The following UBE2V2 variants were observed in gnomAD, a reference collection of about 807,000 sequenced individuals.
UBE2V2 encodes the protein ubiquitin-conjugating enzyme E2 variant 2.
Under a neutral mutation model 17.2 loss-of-function variants are expected in UBE2V2, and 9 were observed. The ratio of observed to expected loss-of-function variants is 0.52; its 90% CI spans 0.32 to 0.91. The LOEUF is 0.91. Among genes scored for constraint, UBE2V2 ranks in the 40% least tolerant of loss-of-function variants. The pLI is 0.04. For synonymous variants in UBE2V2, 61 were observed against 57.5 expected, an observed-to-expected ratio of 1.06 and a Z score of -0.28; for missense variants, 133 against 182.6, an observed-to-expected ratio of 0.73 and a Z score of 1.56.
intron 1 of UBE2V2, among the ~76,000 whole-genome samples, chr8:48,013,651 G>A (rs2091248305): frequency 6.6e-6 from 1 of 152,126 alleles, no homozygotes; most frequent in African/African-American, 2.4e-5. Context: ...AATATTAATG[G>A]TACAGTGAAG....
chr8:48,039,251 T>C (rs760462876), intron 1 of UBE2V2, among the ~76,000 whole-genome samples: 1 of 152,220 alleles, frequency 6.6e-6, no homozygotes, highest in South Asian at 2.1e-4. Context: ...TACTTTTTGC[T>C]ACATATGTAT....
intron 1 of UBE2V2, among the ~76,000 whole-genome samples, chr8:48,009,135 G>GT (rs1260274772): frequency 1.3e-5 from 2 of 152,128 alleles, no homozygotes; most frequent in South Asian, 4.1e-4. Context: ...ACAATGTTTG[G>GT]TTTCCTGTGA....
chr8:48,048,034 A>G (rs1246772290), intron 2 of UBE2V2, among the ~76,000 whole-genome samples: 1 of 145,672 alleles, frequency 6.9e-6, no homozygotes, highest in African/African-American at 2.6e-5. Flanking sequence ...GAATTGAGGT[A>G]GAATTTACAT....
intron 3 of UBE2V2, among the ~76,000 whole-genome samples, chr8:48,054,024 T>TC (rs1238561722): frequency 6.6e-6 from 1 of 150,508 alleles, no homozygotes. Flanking sequence ...AGGCTGGTGT[T>TC]CAACTCCTGA....
intron 1 of UBE2V2, among the ~76,000 whole-genome samples, chr8:48,040,494 A>G (rs2091454228): frequency 6.6e-6 from 1 of 152,090 alleles, no homozygotes; most frequent in African/African-American, 2.4e-5. Flanking sequence ...GCACATTTTC[A>G]TATATGATAT....
At chr8:48,005,270 T>C (rs1036997151), upstream of UBE2V2, among the ~76,000 whole-genome samples, 3 of 152,074 alleles carry the variant, frequency 2.0e-5, no homozygotes, top group Non-Finnish European at 2.9e-5. Context: ...CATGAGGTGT[T>C]TGGTTTTCTG....
In UBE2V2 at chr8:48,019,389, G is replaced by A. The variant is rs950026990; in HGVS notation, c.16+10919G>A. 1.2e-4 allele frequency among the ~76,000 whole-genome samples: 18 copies of A among 152,042 alleles called. No individual in the cohort carries two copies. The East Asian group carries it at 2.7e-3, about 23-fold the overall frequency. ...AAAACAAAACAAACAAAAATTGGGC[G>A]TGGTGGTGGGCTCCTGTAGTACCAG... On this transcript the variant is annotated intron_variant, in intron 1 of 3. Coordinates refer to ENST00000523111, the MANE Select transcript of UBE2V2 (RefSeq NM_003350.3).
chr8:47,998,858 G>C, the UBE2V2 span, among the ~76,000 whole-genome samples: 8 of 152,146 alleles, frequency 5.3e-5, no homozygotes, highest in African/African-American at 1.9e-4. Flanking sequence ...TAACAGTCAA[G>C]GGAAGCAGCA....
chr8:48,011,054 A>G (rs749331703), intron 1 of UBE2V2, among the ~76,000 whole-genome samples: 2 of 151,814 alleles, frequency 1.3e-5, no homozygotes, highest in African/African-American at 4.8e-5. Context: ...TAATTTTACT[A>G]TTAGCTATAC....
In UBE2V2 at chr8:48,062,144, A is replaced by G. The variant is rs1802603659; in HGVS notation, c.*1316A>G. ...TACTGGATCCAAAGCTTTGTTGAAA[A>G]TGCTGTTTGATGAATTCACTGAAGA... On this transcript the variant is annotated 3_prime_UTR_variant, in exon 4 of 4. Coordinates refer to ENST00000523111, the MANE Select transcript of UBE2V2 (RefSeq NM_003350.3). 6.6e-6 allele frequency: 1 copy of G among 152,216 alleles called. No homozygotes were observed. The highest frequency in any genetic ancestry group is 1.5e-5 in the Non-Finnish European group (1 of 68,044). The allele number at this position is 152,216 out of a possible 1,614,324, so 9.4% of individuals were successfully genotyped here.
chr8:48,060,081 C>G (rs1206368003), intron 3 of UBE2V2, among the ~76,000 whole-genome samples: 4 of 151,618 alleles, frequency 2.6e-5, no homozygotes, highest in African/African-American at 9.7e-5. Flanking sequence ...TGGCAGGTGC[C>G]TGTAATCCCA....
intron 1 of UBE2V2, among the ~76,000 whole-genome samples, chr8:48,037,294 T>G (rs1563855241): frequency 6.6e-6 from 1 of 152,250 alleles, no homozygotes; most frequent in Non-Finnish European, 1.5e-5. Context: ...AGAAATAATG[T>G]GTTTCAGCAG....
intron 1 of UBE2V2, among the ~76,000 whole-genome samples, chr8:48,041,227 A>G (rs1266290433): frequency 6.8e-6 from 1 of 145,994 alleles, no homozygotes; most frequent in Admixed American, 7.0e-5. Flanking sequence ...GCTGGAGTGC[A>G]GTGGTGCGAT....
At chr8:48,022,713 G>A (rs2154507043) in intron 1 of UBE2V2, among the ~76,000 whole-genome samples, 1 of 152,058 alleles carries the variant, frequency 6.6e-6, no homozygotes, top group Non-Finnish European at 1.5e-5. Flanking sequence ...TTCAGCTTTT[G>A]CTTGCCTGAG....
At chr8:48,035,619 G>GTT (rs770027131) in intron 1 of UBE2V2, among the ~76,000 whole-genome samples, 28,851 of 82,712 alleles carry the variant, frequency 0.35, 6,453 homozygotes, top group Non-Finnish European at 0.45. Flanking sequence ...AAAAATTATT[G>GTT]TTTTTTTTTT....
In UBE2V2 at chr8:48,059,238, A is replaced by G. The variant is rs573480799; in HGVS notation, c.292-1444A>G. The stretch of plus-strand genomic sequence containing the variant: ...GCGTGAGCCACCATTCCCAGCCTGT[A>G]TATAGTCTTATATGTTGCTTGAGGT... On this transcript the variant is annotated intron_variant, in intron 3 of 3. Coordinates refer to ENST00000523111, the MANE Select transcript of UBE2V2 (RefSeq NM_003350.3). 3.3e-5 allele frequency among the ~76,000 whole-genome samples: 5 copies of G among 151,096 alleles called. No individual in the cohort carries two copies. The South Asian group carries it at 6.3e-4, about 19-fold the overall frequency.
intron 1 of UBE2V2, among the ~76,000 whole-genome samples, chr8:48,022,795 T>C (rs1297955767): frequency 6.6e-6 from 1 of 152,064 alleles, no homozygotes; most frequent in Non-Finnish European, 1.5e-5. Context: ...AGGACAGATT[T>C]TTTCCTGGTC....
intron 3 of UBE2V2, 64 bp downstream of exon 3, chr8:48,050,042 C>A: frequency 8.8e-7 from 1 of 1,131,354 alleles, no homozygotes; most frequent in Non-Finnish European, 1.2e-6. Context: ...ATTATACGTA[C>A]ACACACCATA....
chr8:48,041,277 T>G (rs1002884575), intron 1 of UBE2V2, among the ~76,000 whole-genome samples: 5 of 151,746 alleles, frequency 3.3e-5, no homozygotes, highest in Admixed American at 3.3e-4. Flanking sequence ...ACATTAAATG[T>G]TCCAGACCAG....
Sources: gnomAD v4.1 joint callset for allele counts (sites outside exome capture counted in the v4.1 genomes callset) on GRCh38, gnomAD v4.1.1 for gene constraint, MANE v1.5 for transcripts, NCBI Gene and HGNC (gene_info 2026-07-23, HGNC 2026-07-21) for gene names.